The following CFAP299 variants were observed in gnomAD, a reference collection of about 807,000 sequenced individuals.
CFAP299 encodes the protein cilia and flagella associated protein 299.
In CFAP299, 21 loss-of-function variants were observed where a neutral mutation model predicts 27.0. That is an observed-to-expected ratio of 0.78 (90% CI 0.55 to 1.12). The LOEUF (loss-of-function observed/expected upper bound fraction) is 1.12, where lower values mean the gene tolerates loss of function less well. CFAP299 is among the 50% of genes most tolerant of loss of function. The probability of loss-of-function intolerance (pLI) is 0.00; values close to 1 mark genes in which losing one functional copy is unlikely to be tolerated. For synonymous variants in CFAP299, 104 were observed against 98.1 expected, an observed-to-expected ratio of 1.06 and a Z score of -0.36; for missense variants, 310 against 276.6, an observed-to-expected ratio of 1.12 and a Z score of -0.86.
At chr4:80,376,303 A>G (rs1420205104) in intron 2 of CFAP299, among the ~76,000 whole-genome samples, 1 of 152,064 alleles carries the variant, frequency 6.6e-6, no homozygotes, top group Non-Finnish European at 1.5e-5. Context: ...TTGTGTACAT[A>G]TCTGTTTTCC....
At chr4:80,700,601 G>A (rs1057160512) in intron 3 of CFAP299, among the ~76,000 whole-genome samples, 2 of 151,988 alleles carry the variant, frequency 1.3e-5, no homozygotes, top group African/African-American at 4.8e-5. Flanking sequence ...AAGAAAGTGA[G>A]AATGCAAGAT....
chr4:80,911,960 T>C (rs1045754320), intron 4 of CFAP299, among the ~76,000 whole-genome samples: 1 of 147,888 alleles, frequency 6.8e-6, no homozygotes, highest in Non-Finnish European at 1.5e-5. Context: ...AAAAAAAAAA[T>C]ATATGTACTG....
At chr4:80,712,863 T>G (rs1013679532) in intron 3 of CFAP299, among the ~76,000 whole-genome samples, 17 of 152,188 alleles carry the variant, frequency 1.1e-4, no homozygotes, top group African/African-American at 4.1e-4. Context: ...AATATTTTGC[T>G]TCAAACCTGC....
chr4:80,930,288 T>G (rs1736552388), intron 4 of CFAP299, among the ~76,000 whole-genome samples: 2 of 152,182 alleles, frequency 1.3e-5, no homozygotes, highest in African/African-American at 4.8e-5. Context: ...CCTATGCATC[T>G]CTTCATCTGT....
intron 2 of CFAP299, among the ~76,000 whole-genome samples, chr4:80,521,259 A>G (rs1040900131): frequency 6.6e-6 from 1 of 152,304 alleles, no homozygotes. Flanking sequence ...AATTAGGCAC[A>G]GTATTTCCCT....
chr4:80,932,436 C>T (rs1009060955), intron 4 of CFAP299, among the ~76,000 whole-genome samples: 3 of 152,030 alleles, frequency 2.0e-5, no homozygotes, highest in Non-Finnish European at 4.4e-5. Context: ...ACTGATCAAA[C>T]ATATATTTTT....
Position 80,684,283 on chromosome 4 carries a change from G to T in CFAP299, c.333+101100G>T, listed in dbSNP as rs906824048. 2.6e-5 allele frequency among the ~76,000 whole-genome samples: 4 copies of T among 151,394 alleles called. 1 individual carries two copies. In the South Asian group the frequency reaches 6.3e-4, roughly 24 times the overall value. On this transcript the variant is annotated intron_variant, in intron 3 of 5. Coordinates refer to ENST00000358105, the MANE Select transcript of CFAP299 (RefSeq NM_152770.3). ...GATGACTTCTTTTTTTTGGGGGGGG[G>T]GGACGGAGCCTCACTTTGTTGCCCA...
chr4:80,558,254 A>G (rs1337398163), intron 2 of CFAP299, among the ~76,000 whole-genome samples: 2 of 152,088 alleles, frequency 1.3e-5, no homozygotes, highest in Admixed American at 1.3e-4. Flanking sequence ...AATAAACATC[A>G]TTTAAACAAT....
In CFAP299 at chr4:80,486,850, G is replaced by T. The variant is rs367573526; in HGVS notation, c.243-96243G>T. Among the ~76,000 whole-genome samples, 10 of 152,356 alleles carry T rather than the reference G, an allele frequency of 6.6e-5. 1 individual carries two copies. Among genetic ancestry groups the T allele is most frequent in the African/African-American group, 2.4e-4 (10 of 41,592 alleles). ...AAAAAGCCCACCTGCATTTAGTCTA[G>T]TGGCCAGCATTGGCTGGGGCCCTCA... On this transcript the variant is annotated intron_variant, in intron 2 of 5. Transcript: ENST00000358105.
chr4:80,457,696 T>C (rs1300291414), intron 2 of CFAP299, among the ~76,000 whole-genome samples: 3 of 152,146 alleles, frequency 2.0e-5, no homozygotes, highest in East Asian at 3.9e-4. Context: ...GGGACTTCTA[T>C]AACCACATGC....
intron 3 of CFAP299, among the ~76,000 whole-genome samples, chr4:80,756,740 G>T (rs1233651311): frequency 6.6e-6 from 1 of 151,954 alleles, no homozygotes; most frequent in Non-Finnish European, 1.5e-5. Context: ...GAGCTATATG[G>T]CCCACAAAGC....
At chr4:80,570,053 TTGA>T (rs1735508265) in intron 2 of CFAP299, among the ~76,000 whole-genome samples, 1 of 151,968 alleles carries the variant, frequency 6.6e-6, no homozygotes, top group Non-Finnish European at 1.5e-5. Context: ...TGCTCAGTCA[TTGA>T]CAGTGTGATA....
intron 2 of CFAP299, among the ~76,000 whole-genome samples, chr4:80,465,107 C>T (rs1197831643): frequency 1.3e-5 from 2 of 151,974 alleles, no homozygotes; most frequent in Non-Finnish European, 2.9e-5. Context: ...TGTGTGGAAC[C>T]TATTAAATAA....
chr4:80,713,286 T>A (rs1221329398), intron 3 of CFAP299, among the ~76,000 whole-genome samples: 1 of 152,102 alleles, frequency 6.6e-6, no homozygotes, highest in Non-Finnish European at 1.5e-5. Flanking sequence ...ATTGAACCCA[T>A]GTAGGAGGCC....
chr4:80,768,118 A>G (rs1725999567), intron 3 of CFAP299, among the ~76,000 whole-genome samples: 1 of 152,216 alleles, frequency 6.6e-6, no homozygotes, highest in Non-Finnish European at 1.5e-5. Context: ...TACCGTCAAC[A>G]TTATTGGCAT....
intron 2 of CFAP299, among the ~76,000 whole-genome samples, chr4:80,557,377 C>T (rs1489831554): frequency 6.6e-6 from 1 of 152,060 alleles, no homozygotes; most frequent in African/African-American, 2.4e-5. Flanking sequence ...TGTCAATGCT[C>T]AGAATTTAGC....
chr4:80,477,152 T>C (rs1360130064), intron 2 of CFAP299, among the ~76,000 whole-genome samples: 1 of 152,070 alleles, frequency 6.6e-6, no homozygotes, highest in Admixed American at 6.6e-5. Context: ...AGCCTCAACC[T>C]CCCAAGCTCA....
chr4:80,951,863 C>A (rs1313522538), intron 5 of CFAP299, among the ~76,000 whole-genome samples: 1 of 152,186 alleles, frequency 6.6e-6, no homozygotes, highest in African/African-American at 2.4e-5. Flanking sequence ...GTTCCCAGGA[C>A]TGCACAGACT....
chr4:80,831,406 C>G (rs2110131638), intron 3 of CFAP299, among the ~76,000 whole-genome samples: 1 of 152,192 alleles, frequency 6.6e-6, no homozygotes, highest in Admixed American at 6.5e-5. Flanking sequence ...TACTTCACCC[C>G]CATGTAGTGG....
Sources: gnomAD v4.1 joint callset for allele counts (sites outside exome capture counted in the v4.1 genomes callset) on GRCh38, gnomAD v4.1.1 for gene constraint, MANE v1.5 for transcripts, NCBI Gene and HGNC (gene_info 2026-07-23, HGNC 2026-07-21) for gene names.